Variants in SMIM10L3 observed in about 807,000 individuals in gnomAD.
SMIM10L3 encodes the protein small integral membrane protein 10 like 3.
At chr7:6,348,493 A>G in the SMIM10L3 span, 2 of 409,804 alleles carry the variant, frequency 4.9e-6, no homozygotes, top group Non-Finnish European at 8.6e-6. Context: ...AGGCAGTGGC[A>G]GCTGCCGTGG....
the SMIM10L3 span, among the ~76,000 whole-genome samples, chr7:6,345,684 G>C: frequency 6.6e-6 from 1 of 152,040 alleles, no homozygotes; most frequent in Non-Finnish European, 1.5e-5. Flanking sequence ...AAAAAGGGGA[G>C]TACAGGAGCC....
the SMIM10L3 span, among the ~76,000 whole-genome samples, chr7:6,331,477 G>GT: frequency 2.4e-4 from 37 of 151,098 alleles, no homozygotes; most frequent in Non-Finnish European, 4.7e-4. Context: ...TAAGGTTTTT[G>GT]TTTTTTTGAG....
the SMIM10L3 span, chr7:6,330,941 C>T: frequency 6.2e-7 from 1 of 1,614,240 alleles, no homozygotes; most frequent in South Asian, 1.1e-5. Context: ...CAGAGGCCAG[C>T]CCCGCTCGGA....
the SMIM10L3 span, among the ~76,000 whole-genome samples, chr7:6,345,021 C>T: frequency 1.5e-3 from 221 of 151,940 alleles, no homozygotes; most frequent in Middle Eastern, 3.4e-3. Context: ...GATTTACAGG[C>T]GTAAATCCCA....
At chr7:6,335,031 T>A in the SMIM10L3 span, among the ~76,000 whole-genome samples, 9 of 152,022 alleles carry the variant, frequency 5.9e-5, no homozygotes, top group Non-Finnish European at 1.2e-4. Context: ...CCTCCCAAAG[T>A]GGTGGGATTA....
the SMIM10L3 span, among the ~76,000 whole-genome samples, chr7:6,343,397 C>T: frequency 2.3e-5 from 2 of 86,994 alleles, no homozygotes; most frequent in South Asian, 3.6e-4. Context: ...ATAATAATTT[C>T]ATATATATAT....
the SMIM10L3 span, chr7:6,329,587 A>G: frequency 2.6e-5 from 4 of 156,740 alleles, no homozygotes; most frequent in Non-Finnish European, 4.4e-5. Flanking sequence ...ATGTCCTTAA[A>G]TGACCTTTAT....
the SMIM10L3 span, among the ~76,000 whole-genome samples, chr7:6,347,973 C>A: frequency 2.0e-5 from 3 of 150,564 alleles, no homozygotes; most frequent in African/African-American, 7.3e-5. Context: ...CGCAATGGAG[C>A]GATCTCGGCT....
chr7:6,347,096 G>C, the SMIM10L3 span, among the ~76,000 whole-genome samples: 1 of 152,188 alleles, frequency 6.6e-6, no homozygotes, highest in Non-Finnish European at 1.5e-5. Flanking sequence ...GGAGGGCAAG[G>C]CAGGAGGATC....
the SMIM10L3 span, among the ~76,000 whole-genome samples, chr7:6,335,574 A>T: frequency 6.6e-6 from 1 of 152,018 alleles, no homozygotes; most frequent in Non-Finnish European, 1.5e-5. Flanking sequence ...GGTTTAGTTC[A>T]TTCTTCTTTC....
At chr7:6,342,511 C>T in the SMIM10L3 span, among the ~76,000 whole-genome samples, 5 of 152,024 alleles carry the variant, frequency 3.3e-5, no homozygotes, top group Admixed American at 1.3e-4. Flanking sequence ...TGCACTGCAG[C>T]CTGGGTGACA....
chr7:6,331,045 C>T, the SMIM10L3 span: 1 of 1,613,946 alleles, frequency 6.2e-7, no homozygotes, highest in Non-Finnish European at 8.5e-7. Context: ...AGGCCAAGGG[C>T]CCTCCGGCAT....
the SMIM10L3 span, chr7:6,348,451 A>C: frequency 1.2e-3 from 482 of 397,538 alleles, no homozygotes; most frequent in Non-Finnish European, 1.9e-3. Flanking sequence ...CGCACGGGAA[A>C]ATGCACGGTG....
the SMIM10L3 span, among the ~76,000 whole-genome samples, chr7:6,337,518 A>G: frequency 6.6e-6 from 1 of 151,830 alleles, no homozygotes; most frequent in African/African-American, 2.4e-5. Flanking sequence ...TTGTACAAGG[A>G]TTTAGCATTG....
At chr7:6,341,621 T>A in the SMIM10L3 span, among the ~76,000 whole-genome samples, 1,095 of 134,874 alleles carry the variant, frequency 8.1e-3, 6 homozygotes, top group African/African-American at 0.029. Context: ...ACCCAGGAGG[T>A]GGAGCTTGCA....
At chr7:6,348,815 C>G in the SMIM10L3 span, 2,225 of 395,370 alleles carry the variant, frequency 5.6e-3, 46 homozygotes, top group African/African-American at 0.042. Context: ...CGCGTCGCCC[C>G]GGCAGCTGAC....
chr7:6,330,160 T>C, the SMIM10L3 span: 4 of 570,984 alleles, frequency 7.0e-6, no homozygotes, highest in South Asian at 4.6e-5. Flanking sequence ...CAATTCTTTA[T>C]ATGTCTTTTA....
chr7:6,333,218 T>C, the SMIM10L3 span, among the ~76,000 whole-genome samples: 6 of 147,528 alleles, frequency 4.1e-5, no homozygotes, highest in African/African-American at 1.5e-4. Context: ...AAATGAAGGA[T>C]GCAGTTATTA....
chr7:6,333,025 C>T, the SMIM10L3 span, among the ~76,000 whole-genome samples: 169 of 151,850 alleles, frequency 1.1e-3, no homozygotes, highest in East Asian at 0.027. Context: ...GACGTGCTGG[C>T]GGGTGCCTGT....
Sources: allele counts gnomAD v4.1 joint callset (sites outside exome capture counted in the v4.1 genomes callset), GRCh38; gene constraint gnomAD v4.1.1; transcripts MANE v1.5; gene names NCBI Gene and HGNC (gene_info 2026-07-23, HGNC 2026-07-21).